OR2L13: variants seen among roughly 807,000 people sequenced by gnomAD.
OR2L13 encodes olfactory receptor 2L13.
In OR2L13, 14 loss-of-function variants were observed where a neutral mutation model predicts 15.3. The observed-to-expected ratio is 0.91, with a 90% CI of 0.60 to 1.43. The LOEUF (loss-of-function observed/expected upper bound fraction) is 1.43. Ranked by LOEUF, OR2L13 falls within the 40% of genes most tolerant of loss-of-function variation. The pLI is 0.00. For synonymous variants in OR2L13, 152 were observed against 142.9 expected, an observed-to-expected ratio of 1.06 and a Z score of -0.45; for missense variants, 367 against 387.9, an observed-to-expected ratio of 0.95 and a Z score of 0.45.
chr1:247,965,194 C>T, the OR2L13 span: 94 of 651,146 alleles, frequency 1.4e-4, 1 homozygote, highest in African/African-American at 1.2e-3. Context: ...TAACAGTATG[C>T]GAGAATGTGT....
upstream of OR2L13, among the ~76,000 whole-genome samples, chr1:248,091,094 G>T (rs1040000866): frequency 6.6e-6 from 1 of 152,062 alleles, no homozygotes; most frequent in Non-Finnish European, 1.5e-5. Context: ...CTTTTGAAAA[G>T]AGTCTACTAA....
the OR2L13 span, chr1:248,022,427 A>G: frequency 5.0e-6 from 8 of 1,614,076 alleles, no homozygotes; most frequent in East Asian, 1.6e-4. Context: ...CTCACACAGT[A>G]TATGCATTCC....
the OR2L13 span, chr1:248,022,417 C>T: frequency 9.3e-6 from 15 of 1,614,152 alleles, no homozygotes; most frequent in South Asian, 1.3e-4. Context: ...AACTCTTGTG[C>T]TCACACAGTA....
At chr1:248,052,237 G>T in the OR2L13 span, among the ~76,000 whole-genome samples, 1 of 152,104 alleles carries the variant, frequency 6.6e-6, no homozygotes, top group South Asian at 2.1e-4. Context: ...TATCTTGAAT[G>T]TAAATATCCA....
chr1:247,945,074 C>T, the OR2L13 span, among the ~76,000 whole-genome samples: 2 of 151,676 alleles, frequency 1.3e-5, no homozygotes, highest in Non-Finnish European at 2.9e-5. Flanking sequence ...GCTCTTGGTT[C>T]TCCAGTTCTT....
At chr1:247,979,304 C>A in the OR2L13 span, among the ~76,000 whole-genome samples, 14 of 152,074 alleles carry the variant, frequency 9.2e-5, no homozygotes, top group Admixed American at 3.3e-4. Flanking sequence ...AATGCTATCC[C>A]TCCCTCAGGC....
At chr1:247,984,778 G>A in the OR2L13 span, among the ~76,000 whole-genome samples, 2 of 151,980 alleles carry the variant, frequency 1.3e-5, no homozygotes, top group Admixed American at 6.5e-5. Context: ...TGTGGAATTC[G>A]GTGGCACTAA....
At chr1:248,026,899 T>A in the OR2L13 span, among the ~76,000 whole-genome samples, 1 of 145,978 alleles carries the variant, frequency 6.9e-6, no homozygotes, top group African/African-American at 2.8e-5. Context: ...CTGCACAAAT[T>A]GTTTGTAGTG....
the OR2L13 span, among the ~76,000 whole-genome samples, chr1:248,072,298 G>T: frequency 6.6e-6 from 1 of 152,206 alleles, no homozygotes; most frequent in African/African-American, 2.4e-5. Context: ...CAATGGAACA[G>T]AACAGAGTCC....
chr1:248,015,088 G>A, the OR2L13 span, among the ~76,000 whole-genome samples: 43 of 152,246 alleles, frequency 2.8e-4, 1 homozygote, highest in East Asian at 8.1e-3. Flanking sequence ...TTGTGACTTG[G>A]AAGCACACAT....
the OR2L13 span, chr1:248,083,742 G>A: frequency 2.5e-6 from 4 of 1,613,736 alleles, no homozygotes; most frequent in African/African-American, 4.0e-5. Flanking sequence ...GTAGATGAGG[G>A]GGTTTAGTAA....
chr1:248,059,760 A>G, the OR2L13 span, among the ~76,000 whole-genome samples: 1 of 152,320 alleles, frequency 6.6e-6, no homozygotes, highest in Middle Eastern at 3.4e-3. Flanking sequence ...CAGAATAAAC[A>G]TGGGTTGGGT....
chr1:248,032,358 A>G, the OR2L13 span, among the ~76,000 whole-genome samples: 2 of 152,140 alleles, frequency 1.3e-5, no homozygotes. Context: ...TTAAATATAC[A>G]TAAGATAAAC....
chr1:248,078,427 C>T, the OR2L13 span, among the ~76,000 whole-genome samples: 2 of 152,040 alleles, frequency 1.3e-5, no homozygotes, highest in South Asian at 2.1e-4. Context: ...GAACTGAGAT[C>T]GCGCCATTGT....
chr1:248,010,016 C>G, the OR2L13 span, among the ~76,000 whole-genome samples: 1 of 152,054 alleles, frequency 6.6e-6, no homozygotes, highest in Non-Finnish European at 1.5e-5. Context: ...GAACGTATCT[C>G]AAAATAATAA....
the OR2L13 span, among the ~76,000 whole-genome samples, chr1:248,015,480 T>G: frequency 6.6e-6 from 1 of 152,188 alleles, no homozygotes; most frequent in African/African-American, 2.4e-5. Flanking sequence ...TTTAAGGAAT[T>G]CAGGCTGACT....
exon 3 of OR2L13, chr1:248,099,947 C>A: frequency 1.2e-6 from 2 of 1,614,058 alleles, no homozygotes; most frequent in Non-Finnish European, 1.7e-6. Flanking sequence ...TGTACAGATA[C>A]TTGGGTCTAT....
chr1:247,995,641 T>A, the OR2L13 span, among the ~76,000 whole-genome samples: 1 of 152,260 alleles, frequency 6.6e-6, no homozygotes, highest in Admixed American at 6.5e-5. Context: ...TACATATGTC[T>A]ATTTATGAAG....
the OR2L13 span, among the ~76,000 whole-genome samples, chr1:248,030,887 C>T: frequency 6.6e-6 from 1 of 152,144 alleles, no homozygotes; most frequent in African/African-American, 2.4e-5. Context: ...TGTAGGACAT[C>T]ACTGGGGTTG....
Sources: allele counts gnomAD v4.1 joint callset (sites outside exome capture counted in the v4.1 genomes callset), GRCh38; gene constraint gnomAD v4.1.1; transcripts MANE v1.5; gene names NCBI Gene and HGNC (gene_info 2026-07-23, HGNC 2026-07-21).